LRTM3: variants seen among roughly 807,000 people sequenced by gnomAD.
The protein encoded by LRTM3 is leucine-rich repeat transmembrane protein 3.
the LRTM3 span, chr13:102,742,685 G>A: frequency 1.4e-5 from 21 of 1,550,672 alleles, no homozygotes; most frequent in Non-Finnish European, 1.8e-5. Context: ...TGAAACTGCT[G>A]ATTGCTTTGC....
the LRTM3 span, chr13:102,734,946 G>A: frequency 3.9e-6 from 6 of 1,551,088 alleles, no homozygotes; most frequent in African/African-American, 8.2e-5. Flanking sequence ...CCAGCAATTG[G>A]CCTTATACAT....
the LRTM3 span, chr13:102,739,726 G>A: frequency 1.3e-6 from 2 of 1,549,372 alleles, no homozygotes; most frequent in South Asian, 2.4e-5. Context: ...CCTGTGATAT[G>A]TGTTGTTTTG....
At chr13:102,740,207 G>A in the LRTM3 span, 86 of 1,548,852 alleles carry the variant, frequency 5.6e-5, 1 homozygote, top group South Asian at 9.6e-4. Flanking sequence ...CCCATCTGAT[G>A]ATTTCATTCC....
chr13:102,739,587 T>C, the LRTM3 span: 1 of 1,550,284 alleles, frequency 6.5e-7, no homozygotes, highest in Non-Finnish European at 8.7e-7. Context: ...TCTTGTTTTA[T>C]AATGTCTAAC....
chr13:102,729,658 C>T, the LRTM3 span: 18 of 1,550,148 alleles, frequency 1.2e-5, no homozygotes, highest in African/African-American at 1.4e-4. Context: ...AAAAAAAGGG[C>T]CGGTTTTGTT....
chr13:102,748,673 C>A, the LRTM3 span: 8 of 1,550,172 alleles, frequency 5.2e-6, no homozygotes, highest in Admixed American at 7.9e-5. Flanking sequence ...TGGTTTTTTA[C>A]TATTTAGAAC....
chr13:102,746,613 C>T, the LRTM3 span: 1 of 1,551,140 alleles, frequency 6.4e-7, no homozygotes, highest in Non-Finnish European at 8.7e-7. Context: ...TTGGGCTTCG[C>T]TGTACTTGTT....
At chr13:102,735,455 G>C in the LRTM3 span, 2 of 1,551,064 alleles carry the variant, frequency 1.3e-6, no homozygotes, top group Non-Finnish European at 1.7e-6. Flanking sequence ...CTTAAGATAT[G>C]GTGGAGTAAG....
At chr13:102,743,603 A>G in the LRTM3 span, 1 of 1,550,454 alleles carries the variant, frequency 6.4e-7, no homozygotes, top group South Asian at 1.2e-5. Context: ...AACAGGCATG[A>G]AGAAATCTAA....
At chr13:102,755,875 T>TTA in the LRTM3 span, among the ~76,000 whole-genome samples, 42,247 of 142,576 alleles carry the variant, frequency 0.3, 6,767 homozygotes, top group South Asian at 0.36. Context: ...CAAAAAAAGT[T>TTA]TATATATATA....
the LRTM3 span, chr13:102,748,078 G>A: frequency 6.8e-5 from 105 of 1,550,968 alleles, no homozygotes; most frequent in Non-Finnish European, 8.5e-5. Context: ...CTGAATGACT[G>A]AGCCTTATTA....
At chr13:102,742,268 C>A in the LRTM3 span, 2 of 1,550,124 alleles carry the variant, frequency 1.3e-6, no homozygotes, top group East Asian at 2.4e-5. Context: ...AACTGTTATT[C>A]TTTTTGCCTT....
At chr13:102,738,368 G>A in the LRTM3 span, 1 of 1,550,848 alleles carries the variant, frequency 6.4e-7, no homozygotes, top group South Asian at 1.2e-5. Flanking sequence ...TGTTATTTCA[G>A]TGACATACTC....
At chr13:102,740,715 C>A in the LRTM3 span, 1 of 1,548,160 alleles carries the variant, frequency 6.5e-7, no homozygotes. Context: ...GAGTGAGATG[C>A]AGGCTTTGGA....
chr13:102,756,231 C>G, the LRTM3 span, among the ~76,000 whole-genome samples: 1 of 149,702 alleles, frequency 6.7e-6, no homozygotes, highest in African/African-American at 2.5e-5. Context: ...GGATTACAGG[C>G]GTGAGCCACC....
chr13:102,743,050 C>G, the LRTM3 span: 1 of 1,550,158 alleles, frequency 6.5e-7, no homozygotes, highest in Non-Finnish European at 8.7e-7. Flanking sequence ...CTCCCAAAAG[C>G]ACATCCTCTG....
chr13:102,755,231 C>G, the LRTM3 span, among the ~76,000 whole-genome samples: 10 of 151,296 alleles, frequency 6.6e-5, no homozygotes, highest in South Asian at 1.1e-3. Flanking sequence ...CCAGCTACCC[C>G]CTTTCTCCTT....
the LRTM3 span, chr13:102,730,341 A>G: frequency 1.3e-5 from 20 of 1,551,102 alleles, no homozygotes; most frequent in Non-Finnish European, 1.6e-5. Context: ...ACTTCAAGAC[A>G]TGAACACTCG....
the LRTM3 span, chr13:102,741,749 G>A: frequency 2.1e-5 from 32 of 1,550,124 alleles, no homozygotes; most frequent in South Asian, 3.6e-5. Flanking sequence ...TCTCTCCCAC[G>A]GAATTGAAAC....
Sources: gnomAD v4.1 joint callset for allele counts (sites outside exome capture counted in the v4.1 genomes callset) on GRCh38, gnomAD v4.1.1 for gene constraint, MANE v1.5 for transcripts, NCBI Gene and HGNC (gene_info 2026-07-23, HGNC 2026-07-21) for gene names.